The following FBXO33 variants were observed in gnomAD, a reference collection of about 807,000 sequenced individuals.
FBXO33 encodes F-box protein 33.
A neutral mutation model predicts 46.3 loss-of-function variants in FBXO33; 22 were observed. The ratio of observed to expected loss-of-function variants is 0.48; its 90% CI spans 0.34 to 0.68. The LOEUF (loss-of-function observed/expected upper bound fraction) is 0.68, where lower values mean the gene tolerates loss of function less well. Among genes scored for constraint, FBXO33 ranks in the 30% least tolerant of loss-of-function variants. The pLI is 0.01. For synonymous variants in FBXO33, 337 were observed against 291.3 expected, an observed-to-expected ratio of 1.16 and a Z score of -1.60; for missense variants, 692 against 708.8, an observed-to-expected ratio of 0.98 and a Z score of 0.27.
chr14:39,402,410 T>C lies in FBXO33; in HGVS notation c.701A>G (p.Lys234Arg), dbSNP rs1474761331. ...YLSKVDPDGK[K>R]IKQIQQLFEE... is the part of the protein sequence containing the mutation. Reference sequence around the variant, plus strand: ...TAACCATATAACTTACTGTTTAATTTTTTTGCCATCAGGGTCCACCTTGCT... The same window carrying C: ...TAACCATATAACTTACTGTTTAATTCTTTTGCCATCAGGGTCCACCTTGCT... Residue 234 changes from lysine to arginine, a missense_variant, in exon 2 of 4, where the codon AAA (lysine) becomes AGA (arginine). Transcript: ENST00000298097. The C allele has an allele frequency of 2.6e-6, 4 of 1,564,448 alleles. No individual in the cohort carries two copies. Among genetic ancestry groups the C allele is most frequent in the African/African-American group, 1.4e-5 (1 of 72,998 alleles).
At chr14:39,406,787 G>C (rs1408496124) in intron 1 of FBXO33, among the ~76,000 whole-genome samples, 2 of 152,210 alleles carry the variant, frequency 1.3e-5, no homozygotes, top group Admixed American at 1.3e-4. Context: ...CTGGAAAGCA[G>C]TAGAGTCCAC....
intron 1 of FBXO33, among the ~76,000 whole-genome samples, chr14:39,420,480 G>A (rs1030707826): frequency 6.6e-6 from 1 of 152,174 alleles, no homozygotes; most frequent in Non-Finnish European, 1.5e-5. Context: ...CACGAGGTCA[G>A]ATCGAGACCA....
At chr14:39,431,027 ACACT>A (rs570153973) in intron 1 of FBXO33, among the ~76,000 whole-genome samples, 4 of 152,040 alleles carry the variant, frequency 2.6e-5, no homozygotes, top group Admixed American at 6.5e-5. Flanking sequence ...CCTTTAACAA[ACACT>A]CCTCCTCCTC....
chr14:39,419,020 A>C (rs1198373175), intron 1 of FBXO33, among the ~76,000 whole-genome samples: 1 of 152,196 alleles, frequency 6.6e-6, no homozygotes, highest in Non-Finnish European at 1.5e-5. Context: ...AATGAGAGAT[A>C]TACTTTTAAA....
intron 1 of FBXO33, among the ~76,000 whole-genome samples, chr14:39,413,623 T>C (rs1461576630): frequency 2.0e-5 from 3 of 152,206 alleles, no homozygotes; most frequent in Non-Finnish European, 2.9e-5. Context: ...GTAAAATGTA[T>C]TCCTTAAATG....
chr14:39,406,976 T>C (rs2075401698), intron 1 of FBXO33, among the ~76,000 whole-genome samples: 1 of 152,192 alleles, frequency 6.6e-6, no homozygotes, highest in African/African-American at 2.4e-5. Context: ...AGAAGTGTCC[T>C]TATTTGCCAA....
chr14:39,419,216 T>C (rs74048762), intron 1 of FBXO33, among the ~76,000 whole-genome samples: 14 of 152,344 alleles, frequency 9.2e-5, no homozygotes, highest in East Asian at 5.8e-4. Flanking sequence ...ATTCAAGTGA[T>C]AGGAAAAATT....
Position 39,431,645 on chromosome 14 carries a change from T to G in FBXO33, c.518A>C (p.Gln173Pro). The G allele has an allele frequency of 6.2e-7, 1 of 1,613,656 alleles. No individual in the cohort carries two copies. Among genetic ancestry groups the G allele is most frequent in the Non-Finnish European group, 8.5e-7 (1 of 1,180,024 alleles). ...CACTTCCAGCCAACGAGCTGAGAGCTGCAGGGCCTCGACTTCCTCCCCTCC... is the reference window on the plus strand; with the variant it reads ...CACTTCCAGCCAACGAGCTGAGAGCGGCAGGGCCTCGACTTCCTCCCCTCC... ...GTGGEEVEAL[Q>P]LSARWLEVLR... Residue 173 changes from glutamine (Q) to proline (P), a missense_variant, in exon 1 of 4, where the codon CAG (glutamine) becomes CCG (proline). By Grantham distance (76) the Gln-to-Pro change is moderately conservative. Coordinates refer to ENST00000298097, the MANE Select transcript of FBXO33 (RefSeq NM_203301.4).
In FBXO33 at chr14:39,398,321, T is replaced by A. The variant is rs2075352523; in HGVS notation, c.*1195A>T. On this transcript the variant is annotated 3_prime_UTR_variant, in exon 4 of 4. Transcript: ENST00000298097. ...TAATAGGCTTTTAAAGCCTCTCAGA[T>A]ATAACAAGGTTTTAAAACATACTTC... 1 of 152,686 alleles carries A rather than the reference T, an allele frequency of 6.5e-6. No individual in the cohort carries two copies. The highest frequency in any genetic ancestry group is 1.5e-5 in the Non-Finnish European group (1 of 68,046). The allele number at this position is 152,686 out of a possible 1,614,324, so 9.5% of individuals were successfully genotyped here.
Position 39,399,559 on chromosome 14 carries a change from C to T in FBXO33, c.1625G>A (p.Arg542His), listed in dbSNP as rs200413412. 1.2e-5 allele frequency: 20 copies of T among 1,612,144 alleles called. No individual in the cohort carries two copies. In the Admixed American group the frequency reaches 2.0e-4, roughly 16 times the overall value. ...ESLSVFTEPNRHFYREMQSFS... is the reference protein window; with the variant it reads ...ESLSVFTEPNHHFYREMQSFS... ...GCTTTGCATCTCTCTGTAAAAATGA[C>T]GATTTGGTTCAGTGAAGACACTGAG... is the stretch of plus-strand genomic sequence containing the variant. The change falls in exon 4 of 4, where the codon CGT becomes CAT. Residue 542 changes from arginine to histidine, a missense_variant. Physicochemically the swap from Arg to His is conservative, Grantham distance 29. This residue lies in a region of FBXO33 where 94 missense variants were observed against 91.9 expected (regional missense o/e 1.02). Transcript: ENST00000298097.
intron 1 of FBXO33, among the ~76,000 whole-genome samples, chr14:39,411,172 T>C (rs1239037074): frequency 6.6e-6 from 1 of 152,094 alleles, no homozygotes; most frequent in African/African-American, 2.4e-5. Context: ...CTTGGCTCAC[T>C]GCACCCTCCG....
intron 1 of FBXO33, among the ~76,000 whole-genome samples, chr14:39,404,618 G>GC (rs1214168655): frequency 6.6e-6 from 1 of 152,072 alleles, no homozygotes; most frequent in African/African-American, 2.4e-5. Flanking sequence ...GAGCCACCGT[G>GC]CCCGGCTTTA....
rs563658084 is a variant in FBXO33 at position 39,401,048 on chromosome 14, A to G, written c.1396+128T>C. 173 of 859,542 alleles carry G rather than the reference A, an allele frequency of 2.0e-4. 2 individuals are homozygous for G. The Middle Eastern group carries it at 4.6e-3, about 23-fold the overall frequency. The allele number at this position is 859,542 out of a possible 1,614,324, so 53.2% of individuals were successfully genotyped here. On this transcript the variant is annotated intron_variant, in intron 3 of 3. Transcript: ENST00000298097. ...ATATATCTTGCAAACTTTAAAAAGC[A>G]TAAGAATCTGTATATCAACTTGATA...
chr14:39,419,163 A>G (rs550438578), intron 1 of FBXO33, among the ~76,000 whole-genome samples: 12 of 152,346 alleles, frequency 7.9e-5, no homozygotes, highest in Admixed American at 2.6e-4. Context: ...CCACTAAGTG[A>G]TATTTCTTGT....
chr14:39,424,213 C>G lies in FBXO33; in HGVS notation c.599+7351G>C, dbSNP rs184450231. Among the ~76,000 whole-genome samples, 6 of 152,336 alleles carry G rather than the reference C, an allele frequency of 3.9e-5. No individual in the cohort carries two copies. The East Asian group carries it at 5.8e-4, about 15-fold the overall frequency. ...GACACCTGGCTTGCTCCCTCCCTAC[C>G]TTCAAATACCACTTCAGTAGTTGAG... On this transcript the variant is annotated intron_variant, in intron 1 of 3. Transcript: ENST00000298097.
At chr14:39,404,955 C>T (rs1008499173) in intron 1 of FBXO33, among the ~76,000 whole-genome samples, 9 of 151,250 alleles carry the variant, frequency 6.0e-5, no homozygotes, top group Non-Finnish European at 1.0e-4. Flanking sequence ...GAGACCAGTC[C>T]GGCCAACATA....
chr14:39,411,497 T>C (rs1452264053), intron 1 of FBXO33, among the ~76,000 whole-genome samples: 2 of 151,762 alleles, frequency 1.3e-5, no homozygotes, highest in South Asian at 2.1e-4. Flanking sequence ...TATTTTTATT[T>C]GTATCAAGAT....
intron 1 of FBXO33, among the ~76,000 whole-genome samples, chr14:39,402,926 A>G (rs2075375622): frequency 1.3e-5 from 2 of 152,146 alleles, no homozygotes; most frequent in Admixed American, 6.5e-5. Flanking sequence ...GAGAAGTGGC[A>G]TAAGCTTTAA....
chr14:39,401,279 C>T lies in FBXO33; in HGVS notation c.1293G>A (p.Val431=), dbSNP rs1034734064. 3.7e-6 allele frequency: 6 copies of T among 1,614,068 alleles called. No individual in the cohort carries two copies. The highest frequency in any genetic ancestry group is 2.2e-5 in the South Asian group (2 of 91,058). ...FLTHFILMND[V]IDTSGFPDLS... ...GATCTGGAAAACCAGATGTGTCAAT[C>T]ACATCATTCATTAAAATAAAATGAG... The change falls in exon 3 of 4, where the codon GTG becomes GTA. Residue 431 remains valine (V), a synonymous_variant. Coordinates refer to ENST00000298097, the MANE Select transcript of FBXO33 (RefSeq NM_203301.4).
Sources: gnomAD v4.1 joint callset for allele counts (sites outside exome capture counted in the v4.1 genomes callset) on GRCh38, gnomAD v4.1.1 for gene constraint, gnomAD v4.1.1 regional missense constraint, MANE v1.5 for transcripts, NCBI Gene and HGNC (gene_info 2026-07-23, HGNC 2026-07-21) for gene names.